The following FOXO1 variants were observed in gnomAD, a reference collection of about 807,000 sequenced individuals.
FOXO1 encodes the protein forkhead box protein O1.
FOXO1 carries 6 observed loss-of-function variants against 44.1 expected under a neutral mutation model. The observed-to-expected ratio is 0.14, with a 90% confidence interval of 0.07 to 0.27. The LOEUF (loss-of-function observed/expected upper bound fraction) is 0.27. Ranked by LOEUF, FOXO1 falls within the 10% of genes least tolerant of loss-of-function variation. FOXO1 has a pLI of 1.00. For missense variants in FOXO1, 737 were observed against 888.8 expected, an observed-to-expected ratio of 0.83 and a Z score of 2.17; for synonymous variants, 380 against 362.7, an observed-to-expected ratio of 1.05 and a Z score of -0.54.
chr13:40,580,348 T>C (rs1366436930), intron 1 of FOXO1, among the ~76,000 whole-genome samples: 1 of 152,154 alleles, frequency 6.6e-6, no homozygotes, highest in African/African-American at 2.4e-5. Flanking sequence ...TATCTTTCCT[T>C]AAGCAGGAGA....
At chr13:40,643,067 C>T (rs924186463) in intron 1 of FOXO1, among the ~76,000 whole-genome samples, 1 of 152,048 alleles carries the variant, frequency 6.6e-6, no homozygotes, top group African/African-American at 2.4e-5. Flanking sequence ...CAGGACCGGG[C>T]GTGGTGGCTC....
chr13:40,570,691 C>T (rs1874456129), intron 1 of FOXO1, among the ~76,000 whole-genome samples: 1 of 152,158 alleles, frequency 6.6e-6, no homozygotes, highest in Non-Finnish European at 1.5e-5. Flanking sequence ...AGCAGCACTA[C>T]AAAATTTCAC....
chr13:40,573,368 T>C (rs1182927127), intron 1 of FOXO1, among the ~76,000 whole-genome samples: 1 of 152,190 alleles, frequency 6.6e-6, no homozygotes, highest in Admixed American at 6.5e-5. Flanking sequence ...AGATCACTCC[T>C]GGGCTAAAGG....
chr13:40,603,237 T>C (rs1365615928), intron 1 of FOXO1, among the ~76,000 whole-genome samples: 1 of 151,700 alleles, frequency 6.6e-6, no homozygotes, highest in Non-Finnish European at 1.5e-5. Context: ...CTAAAGAAAG[T>C]AGGTTAGCTA....
chr13:40,640,625 A>C (rs1175332967), intron 1 of FOXO1, among the ~76,000 whole-genome samples: 1 of 152,182 alleles, frequency 6.6e-6, no homozygotes, highest in Non-Finnish European at 1.5e-5. Flanking sequence ...TTCTTAGTAA[A>C]ATGTGGATGA....
chr13:40,607,351 G>C (rs2137886616), intron 1 of FOXO1, among the ~76,000 whole-genome samples: 1 of 152,328 alleles, frequency 6.6e-6, no homozygotes, highest in Non-Finnish European at 1.5e-5. Context: ...ATCCTCTGAA[G>C]CAGAAAGCTG....
intron 1 of FOXO1, among the ~76,000 whole-genome samples, chr13:40,663,703 T>C (rs533770093): frequency 6.6e-6 from 1 of 152,372 alleles, no homozygotes; most frequent in East Asian, 1.9e-4. Context: ...CTTTACTTTT[T>C]TGAAACACTT....
chr13:40,555,773 A>C lies in FOXO1; in HGVS notation c.*3276T>G, dbSNP rs1174540723. On this transcript the variant is annotated 3_prime_UTR_variant, in exon 3 of 3. Coordinates refer to ENST00000379561, the MANE Select transcript of FOXO1 (RefSeq NM_002015.4). ...GAAAGACACCAAGCCATTTAAACAT[A>C]ATTTATGTACATTTATGGCTTTATA... The C allele has an allele frequency of 6.5e-6, 1 of 152,676 alleles. No homozygotes were observed. Among genetic ancestry groups the C allele is most frequent in the Non-Finnish European group, 1.5e-5 (1 of 68,048 alleles). 9.5% of individuals were successfully genotyped at this position (152,676 alleles called of 1,614,324 possible). A position where few individuals can be genotyped will look rare whatever the true frequency, so the allele number is the denominator to read the frequency against.
chr13:40,584,319 C>T (rs943283297), intron 1 of FOXO1, among the ~76,000 whole-genome samples: 5 of 151,700 alleles, frequency 3.3e-5, no homozygotes, highest in Admixed American at 2.6e-4. Flanking sequence ...CTAGTCAGTA[C>T]CTGAAATGTA....
At chr13:40,574,805 A>G (rs912556410) in intron 1 of FOXO1, among the ~76,000 whole-genome samples, 1 of 152,248 alleles carries the variant, frequency 6.6e-6, no homozygotes, top group Non-Finnish European at 1.5e-5. Context: ...ATCATTCTTC[A>G]GTGGTACCCT....
intron 1 of FOXO1, among the ~76,000 whole-genome samples, chr13:40,590,823 C>T (rs943131506): frequency 6.6e-6 from 1 of 152,044 alleles, no homozygotes; most frequent in Non-Finnish European, 1.5e-5. Flanking sequence ...TCACCTGGTA[C>T]AAGTAGCATT....
intron 1 of FOXO1, among the ~76,000 whole-genome samples, chr13:40,618,582 T>C (rs922514816): frequency 3.3e-5 from 5 of 152,144 alleles, no homozygotes; most frequent in African/African-American, 1.2e-4. Flanking sequence ...AACAGTACAG[T>C]AGTTAAAACT....
At chr13:40,599,153 C>A in intron 1 of FOXO1, among the ~76,000 whole-genome samples, 1 of 148,910 alleles carries the variant, frequency 6.7e-6, no homozygotes, top group South Asian at 2.1e-4. Flanking sequence ...CAAGTATATC[C>A]ACATTAAACC....
At chr13:40,561,725 G>A (rs1371368586) in intron 1 of FOXO1, among the ~76,000 whole-genome samples, 2 of 152,044 alleles carry the variant, frequency 1.3e-5, no homozygotes, top group Non-Finnish European at 2.9e-5. Flanking sequence ...TCCCAGCACT[G>A]TAGGAGGCCA....
At chr13:40,566,672 C>T (rs1345524273) in intron 1 of FOXO1, among the ~76,000 whole-genome samples, 1 of 152,142 alleles carries the variant, frequency 6.6e-6, no homozygotes, top group Admixed American at 6.5e-5. Context: ...AGCCACTGCG[C>T]CTGGCCTACT....
At chr13:40,652,570 C>T (rs964734366) in intron 1 of FOXO1, among the ~76,000 whole-genome samples, 6 of 152,300 alleles carry the variant, frequency 3.9e-5, no homozygotes, top group Non-Finnish European at 7.4e-5. Context: ...AACCTCACAG[C>T]TCATGAAGGC....
At chr13:40,665,342 T>C (rs937486463) in intron 1 of FOXO1, among the ~76,000 whole-genome samples, 2 of 152,090 alleles carry the variant, frequency 1.3e-5, no homozygotes, top group African/African-American at 4.8e-5. Flanking sequence ...CTTTCTTTAC[T>C]TAGTTCCCCA....
intron 1 of FOXO1, among the ~76,000 whole-genome samples, chr13:40,618,355 C>A (rs1195411719): frequency 6.6e-6 from 1 of 152,216 alleles, no homozygotes; most frequent in South Asian, 2.1e-4. Context: ...GGATTATAGG[C>A]ATGAGCCATG....
chr13:40,592,538 T>G (rs2137867123), intron 1 of FOXO1, among the ~76,000 whole-genome samples: 1 of 152,288 alleles, frequency 6.6e-6, no homozygotes, highest in South Asian at 2.1e-4. Context: ...CCCAAACATG[T>G]TCTGAATATC....
Sources: gnomAD v4.1 joint callset for allele counts (sites outside exome capture counted in the v4.1 genomes callset) on GRCh38, gnomAD v4.1.1 for gene constraint, MANE v1.5 for transcripts, NCBI Gene and HGNC (gene_info 2026-07-23, HGNC 2026-07-21) for gene names.